SLC22A23: variants seen among roughly 807,000 people sequenced by gnomAD.
The protein encoded by SLC22A23 is solute carrier family 22 member 23.
A neutral mutation model predicts 61.0 loss-of-function variants in SLC22A23; 26 were observed. That is an observed-to-expected ratio of 0.43 (90% CI 0.31 to 0.59). The LOEUF is 0.59. Ranked by LOEUF, SLC22A23 falls within the 20% of genes least tolerant of loss-of-function variation. The pLI is 0.11. For missense variants in SLC22A23, 796 were observed against 934.7 expected (o/e 0.85, Z 1.94); for synonymous variants, 430 against 413.9 (o/e 1.04, Z -0.47).
intron 3 of SLC22A23, among the ~76,000 whole-genome samples, chr6:3,354,867 T>A (rs1174811835): frequency 1.3e-5 from 2 of 152,154 alleles, no homozygotes; most frequent in Non-Finnish European, 2.9e-5. Context: ...TCCAGGTCAA[T>A]TAAGCAGGCA....
intron 4 of SLC22A23, among the ~76,000 whole-genome samples, chr6:3,310,030 T>G (rs1180333817): frequency 6.6e-6 from 1 of 152,164 alleles, no homozygotes; most frequent in Non-Finnish European, 1.5e-5. Context: ...CCCACCCAAA[T>G]TAGCTAGGCA....
Position 3,456,318 on chromosome 6 carries a change from T to G in SLC22A23, c.242A>C (p.Asp81Ala). Residue 81 changes from aspartate (D) to alanine (A), a missense_variant, in exon 1 of 10, where the codon GAC becomes GCC. By Grantham distance (126) the Asp-to-Ala change is moderately radical (BLOSUM62 -2). Coordinates refer to ENST00000406686, the MANE Select transcript of SLC22A23 (RefSeq NM_015482.2). This position sits in a 1 kb window ranked among gnomAD's most constrained non-coding sequence, Gnocchi z 7.1. Reference sequence around the variant, plus strand: ...CCCGAGGAAGGGCAGCACCGACCCGTCATAGTCCAGCAACAAGAGGCTCGG... The same window carrying G: ...CCCGAGGAAGGGCAGCACCGACCCGGCATAGTCCAGCAACAAGAGGCTCGG... ...AAPSLLLLDY[D>A]GSVLPFLGGL... 1 of 1,550,364 alleles carries G rather than the reference T, an allele frequency of 6.5e-7. No individual in the cohort carries two copies. Among genetic ancestry groups the G allele is most frequent in the Non-Finnish European group, 8.7e-7 (1 of 1,146,676 alleles).
chr6:3,438,579 T>G (rs1310711270), intron 1 of SLC22A23: 1 of 450,828 alleles, frequency 2.2e-6, no homozygotes, highest in Non-Finnish European at 4.4e-6. Flanking sequence ...GTAATAGGAA[T>G]TAATTATGGA....
chr6:3,361,853 G>A (rs141073494), intron 3 of SLC22A23, among the ~76,000 whole-genome samples: 38 of 152,300 alleles, frequency 2.5e-4, no homozygotes, highest in Non-Finnish European at 4.9e-4. Context: ...CGGTTCTCAC[G>A]CTACGACCTA....
chr6:3,323,725 A>T, intron 4 of SLC22A23, 109 bp downstream of exon 4: 1 of 1,260,926 alleles, frequency 7.9e-7, no homozygotes, highest in Non-Finnish European at 1.1e-6. Context: ...ACAGAACCAC[A>T]AGCTGCAACT....
chr6:3,363,665 C>CA (rs1276615163), intron 3 of SLC22A23, among the ~76,000 whole-genome samples: 2 of 152,356 alleles, frequency 1.3e-5, no homozygotes, highest in East Asian at 3.9e-4. Context: ...AATGCCACCC[C>CA]AAAAAGGGAA....
chr6:3,412,778 C>T (rs1409292397), intron 2 of SLC22A23, among the ~76,000 whole-genome samples: 1 of 152,168 alleles, frequency 6.6e-6, no homozygotes, highest in Non-Finnish European at 1.5e-5. Flanking sequence ...CCCCTGGCTC[C>T]AGGGAACCAG....
intron 3 of SLC22A23, among the ~76,000 whole-genome samples, chr6:3,363,609 T>C (rs1488982120): frequency 1.3e-5 from 2 of 152,250 alleles, no homozygotes; most frequent in Non-Finnish European, 2.9e-5. Context: ...AACTAGGATG[T>C]GGCACCTTCA....
intron 9 of SLC22A23, among the ~76,000 whole-genome samples, chr6:3,276,488 C>G (rs1422611636): frequency 2.6e-5 from 4 of 152,222 alleles, no homozygotes; most frequent in African/African-American, 9.6e-5. Flanking sequence ...AATCATATCA[C>G]CTGGCTGCTC....
At chr6:3,274,178 C>CT (rs1368622708) in intron 9 of SLC22A23, among the ~76,000 whole-genome samples, 1 of 152,234 alleles carries the variant, frequency 6.6e-6, no homozygotes, top group Admixed American at 6.5e-5. Flanking sequence ...ATACGCAAAA[C>CT]TTACAGAACC....
rs568729905 is a variant in SLC22A23 at position 3,284,336 on chromosome 6, G to C, written c.1580-361C>G. Among the ~76,000 whole-genome samples, 103 of 152,332 alleles carry C rather than the reference G, an allele frequency of 6.8e-4. 1 individual carries two copies. The highest frequency in any genetic ancestry group is 4.4e-4 in the Non-Finnish European group (30 of 68,022). The stretch of plus-strand genomic sequence containing the variant: ...TGTTTGCTCCAGTCAGGTCTGATGT[G>C]CCCAACGTGTGGGACAGGGTAGCTG... On this transcript the variant is annotated intron_variant, in intron 8 of 9. Transcript: ENST00000406686.
At chr6:3,287,761 G>A (rs1214359552) in intron 6 of SLC22A23, among the ~76,000 whole-genome samples, 2 of 150,824 alleles carry the variant, frequency 1.3e-5, no homozygotes, top group African/African-American at 4.9e-5. Context: ...TCAGCTCACT[G>A]CAACCTCCCC....
intron 9 of SLC22A23, 102 bp from the exon 10 acceptor site, chr6:3,273,514 C>T: frequency 7.7e-7 from 1 of 1,291,358 alleles, no homozygotes; most frequent in Admixed American, 1.9e-5. Flanking sequence ...AGGGGCCCTG[C>T]TGCCCTGGGC....
At position 3,380,081 on chromosome 6, in the gene SLC22A23, C is replaced by T. The variant is rs556716959; in HGVS notation, c.913+30107G>A. On this transcript the variant is annotated intron_variant, in intron 3 of 9. Transcript: ENST00000406686. ...CTAGAGGGTGAAGAGTACAGAAATC[C>T]CAAACAATCTCTGTTAAAGACATAA... Among the ~76,000 whole-genome samples the T allele has an allele frequency of 3.9e-5, 6 of 152,084 alleles. No homozygotes were observed. The South Asian group carries it at 1.2e-3, about 32-fold the overall frequency.
chr6:3,446,556 C>T (rs76572893), intron 1 of SLC22A23, among the ~76,000 whole-genome samples: 1 of 152,178 alleles, frequency 6.6e-6, no homozygotes, highest in Non-Finnish European at 1.5e-5. Context: ...CCAAAGGCCC[C>T]GAGTTTTCTA....
rs1240931325 is a variant in SLC22A23 at position 3,322,481 on chromosome 6, G to A, written c.1082+1353C>T. Among the ~76,000 whole-genome samples the A allele has an allele frequency of 4.6e-5, 7 of 152,204 alleles. No homozygotes were observed. Among genetic ancestry groups the A allele is most frequent in the African/African-American group, 1.2e-4 (5 of 41,446 alleles). ...CTGTCCTGGAACACGGTTGTGCTGC[G>A]GGAGGGGTTTGGACATCCAACTTCG... On this transcript the variant is annotated intron_variant, in intron 4 of 9. Coordinates refer to ENST00000406686, the MANE Select transcript of SLC22A23 (RefSeq NM_015482.2). The surrounding 1 kb of genome is among the most constrained non-coding windows in gnomAD (Gnocchi z 4.1).
At chr6:3,302,856 A>C (rs923092368) in intron 4 of SLC22A23, 2 of 149,824 alleles carry the variant, frequency 1.3e-5, no homozygotes, top group African/African-American at 4.8e-5. Context: ...TCTACCATAC[A>C]GCTGATCCTG....
In SLC22A23 at chr6:3,308,962, C is replaced by A. The variant is rs73352977; in HGVS notation, c.1083-10744G>T. 9.5e-4 allele frequency among the ~76,000 whole-genome samples: 142 copies of A among 149,444 alleles called. No individual in the cohort carries two copies. Among genetic ancestry groups the A allele is most frequent in the African/African-American group, 3.2e-3 (129 of 40,564 alleles). On this transcript the variant is annotated intron_variant, in intron 4 of 9. Transcript: ENST00000406686. This position sits in a 1 kb window ranked among gnomAD's most constrained non-coding sequence, Gnocchi z 5.1. The stretch of plus-strand genomic sequence containing the variant: ...TGTCTCAAAAAACAAACAAACAAAC[C>A]AACCAAAAAACCCCAACAACCCACA...
At chr6:3,362,085 T>TA (rs1340015904) in intron 3 of SLC22A23, among the ~76,000 whole-genome samples, 15 of 130,172 alleles carry the variant, frequency 1.2e-4, no homozygotes, top group African/African-American at 3.9e-4. Context: ...TAGGGAAAAA[T>TA]AAATTTTTTT....
Sources: allele counts gnomAD v4.1 joint callset (sites outside exome capture counted in the v4.1 genomes callset), GRCh38; gene constraint gnomAD v4.1.1; non-coding constraint Gnocchi (gnomAD v3.1); transcripts MANE v1.5; gene names NCBI Gene and HGNC (gene_info 2026-07-23, HGNC 2026-07-21).